LARGE1: variants seen among roughly 807,000 people sequenced by gnomAD.
LARGE1 encodes xylosyl- and glucuronyltransferase LARGE1.
In LARGE1, 43 loss-of-function variants were observed where a neutral mutation model predicts 87.6. The observed-to-expected ratio is 0.49, with a 90% CI of 0.38 to 0.63. The LOEUF (loss-of-function observed/expected upper bound fraction) is 0.63, where lower values mean the gene tolerates loss of function less well. LARGE1 is among the 30% of genes least tolerant of loss of function. The pLI is 0.00. For synonymous variants in LARGE1, 434 were observed against 394.6 expected, an observed-to-expected ratio of 1.10 and a Z score of -1.18; for missense variants, 802 against 1,000.2, an observed-to-expected ratio of 0.80 and a Z score of 2.67.
the LARGE1 span, among the ~76,000 whole-genome samples, chr22:33,141,169 A>ATCTCTC: frequency 5.8e-3 from 842 of 143,936 alleles, 7 homozygotes; most frequent in African/African-American, 0.019. Flanking sequence ...TATTCTCAGA[A>ATCTCTC]TCTCTCTCTC....
At chr22:33,576,221 A>G (rs1429583012) in intron 5 of LARGE1, among the ~76,000 whole-genome samples, 1 of 152,230 alleles carries the variant, frequency 6.6e-6, no homozygotes, top group African/African-American at 2.4e-5. Context: ...GTTTTGAAAA[A>G]GTGAAACAAT....
At chr22:33,688,711 G>A (rs993858486) in intron 2 of LARGE1, among the ~76,000 whole-genome samples, 3 of 152,074 alleles carry the variant, frequency 2.0e-5, no homozygotes, top group Non-Finnish European at 4.4e-5. Flanking sequence ...TCCCCTGGCC[G>A]TATCATCCTT....
At position 33,448,558 on chromosome 22, in the gene LARGE1, G is replaced by C. The variant is rs192538289; in HGVS notation, c.788-16293C>G. ...CTGCTGCTCTCTGTCCAGCCCTGTGGTCTTGCTTGTCCCCTCTGGGCCAAT... is the reference window on the plus strand; with the variant it reads ...CTGCTGCTCTCTGTCCAGCCCTGTGCTCTTGCTTGTCCCCTCTGGGCCAAT... On this transcript the variant is annotated intron_variant, in intron 6 of 14. Transcript: ENST00000397394. 1.7e-3 allele frequency among the ~76,000 whole-genome samples: 266 copies of C among 152,266 alleles called. 1 individual carries two copies. Among genetic ancestry groups the C allele is most frequent in the African/African-American group, 5.5e-3 (230 of 41,552 alleles).
chr22:33,592,081 A>AGGAGGGGAGG (rs1010096969), intron 5 of LARGE1, among the ~76,000 whole-genome samples: 1 of 45,718 alleles, frequency 2.2e-5, no homozygotes, highest in Admixed American at 3.2e-4. Context: ...GGGAGGAGAG[A>AGGAGGGGAGG]GGAGGGGAGG....
At chr22:33,361,251 C>A (rs1244264754) in intron 9 of LARGE1, among the ~76,000 whole-genome samples, 1 of 148,856 alleles carries the variant, frequency 6.7e-6, no homozygotes, top group Non-Finnish European at 1.5e-5. Context: ...TAAAAATAAA[C>A]CATGTCTGGT....
At chr22:33,731,848 T>G (rs1310960450) in intron 2 of LARGE1, among the ~76,000 whole-genome samples, 1 of 152,222 alleles carries the variant, frequency 6.6e-6, no homozygotes, top group African/African-American at 2.4e-5. Context: ...TACAGCTTTT[T>G]GTATGTCTTT....
chr22:33,318,720 A>C (rs1038270060), intron 10 of LARGE1, among the ~76,000 whole-genome samples: 3 of 152,166 alleles, frequency 2.0e-5, no homozygotes, highest in African/African-American at 7.2e-5. Context: ...CACATTGTGC[A>C]CATGTACCCT....
intron 6 of LARGE1, chr22:33,563,406 A>C (rs1451791807): frequency 6.6e-6 from 1 of 152,226 alleles, no homozygotes; most frequent in Non-Finnish European, 1.5e-5. Flanking sequence ...ACTGCTTCAC[A>C]CCCAGTAGGG....
chr22:33,586,857 T>C (rs2078692072), intron 5 of LARGE1, among the ~76,000 whole-genome samples: 1 of 152,214 alleles, frequency 6.6e-6, no homozygotes, highest in African/African-American at 2.4e-5. Flanking sequence ...GAGAAAAATA[T>C]AGTTTTAAAA....
At chr22:33,252,828 C>CTAA (rs1417606128) in intron 11 of LARGE1, among the ~76,000 whole-genome samples, 3 of 152,184 alleles carry the variant, frequency 2.0e-5, no homozygotes, top group Non-Finnish European at 4.4e-5. Context: ...ATTTAGGAGA[C>CTAA]ACTCTTTGGG....
intron 7 of LARGE1, among the ~76,000 whole-genome samples, chr22:33,410,600 C>T (rs561621898): frequency 2.2e-4 from 33 of 152,184 alleles, no homozygotes; most frequent in South Asian, 6.2e-4. Flanking sequence ...AGTTTCCTGA[C>T]GCCTCCCCAG....
At chr22:33,646,192 C>T (rs2080606420) in intron 3 of LARGE1, among the ~76,000 whole-genome samples, 1 of 152,120 alleles carries the variant, frequency 6.6e-6, no homozygotes, top group South Asian at 2.1e-4. Flanking sequence ...ACCCAAATGC[C>T]CATCAATGAT....
intron 2 of LARGE1, among the ~76,000 whole-genome samples, chr22:33,713,967 A>ATAACGTAACGTAACGTAACG (rs1294614589): frequency 2.7e-5 from 3 of 110,314 alleles, no homozygotes; most frequent in South Asian, 2.8e-4. Context: ...GAAAAAGTAA[A>ATAACGTAACGTAACGTAACG]TAACGTAACA....
In LARGE1 at chr22:33,273,700, A is replaced by T; in HGVS notation, c.*727T>A. On this transcript the variant is annotated 3_prime_UTR_variant, in exon 15 of 15. Coordinates refer to ENST00000397394, the MANE Select transcript of LARGE1 (RefSeq NM_133642.5). ...AGATGCTTGACCTCCTTCCTGGGCC[A>T]CTGCTGATAGAGGGTGGTTGGTAGA... 1 of 398,640 alleles carries T rather than the reference A, an allele frequency of 2.5e-6. No homozygotes were observed. 24.7% of individuals were successfully genotyped at this position (398,640 alleles called of 1,614,324 possible).
intron 2 of LARGE1, among the ~76,000 whole-genome samples, chr22:33,699,319 G>T (rs571386335): frequency 6.6e-6 from 1 of 152,228 alleles, no homozygotes; most frequent in African/African-American, 2.4e-5. Flanking sequence ...ACAGGCTTCA[G>T]TGAAAATCCC....
downstream of LARGE1, among the ~76,000 whole-genome samples, chr22:33,157,413 A>G (rs1921907202): frequency 6.6e-6 from 1 of 152,144 alleles, no homozygotes; most frequent in Non-Finnish European, 1.5e-5. Flanking sequence ...ATAAAGACCA[A>G]TTTCTTTGCA....
At chr22:33,208,205 G>A (rs540728997) in intron 11 of LARGE1, among the ~76,000 whole-genome samples, 1 of 152,254 alleles carries the variant, frequency 6.6e-6, no homozygotes, top group South Asian at 2.1e-4. Context: ...AGGAATTAGG[G>A]TGAGGATTTT....
At chr22:33,454,151 C>A (rs1036839218) in intron 6 of LARGE1, among the ~76,000 whole-genome samples, 2 of 152,158 alleles carry the variant, frequency 1.3e-5, no homozygotes, top group Admixed American at 1.3e-4. Context: ...TGAAACATCT[C>A]AATTTTATAT....
chr22:33,287,037 A>G lies in LARGE1; in HGVS notation c.1731-3689T>C, dbSNP rs114299859. ...ATTTGAATAGAAATAGAGACTGGGA[A>G]AGCACAGAATTGACTTTCAGTGATG... On this transcript the variant is annotated intron_variant, in intron 12 of 14. Coordinates refer to ENST00000397394, the MANE Select transcript of LARGE1 (RefSeq NM_133642.5). 8.5e-3 allele frequency among the ~76,000 whole-genome samples: 1,288 copies of G among 152,296 alleles called. 21 individuals carry two copies. Among genetic ancestry groups the G allele is most frequent in the African/African-American group, 0.029 (1,220 of 41,570 alleles).
Sources: gnomAD v4.1 joint callset for allele counts (sites outside exome capture counted in the v4.1 genomes callset) on GRCh38, gnomAD v4.1.1 for gene constraint, MANE v1.5 for transcripts, NCBI Gene and HGNC (gene_info 2026-07-23, HGNC 2026-07-21) for gene names.